FIP1L1: variants seen among roughly 807,000 people sequenced by gnomAD.
FIP1L1 encodes factor interacting with PAPOLA and CPSF1.
A neutral mutation model predicts 84.6 loss-of-function variants in FIP1L1; 21 were observed. That is an observed-to-expected ratio of 0.25 (90% CI 0.18 to 0.36). The LOEUF is 0.36. Ranked by LOEUF, FIP1L1 falls within the 10% of genes least tolerant of loss-of-function variation. The probability of loss-of-function intolerance (pLI) is 1.00; values close to 1 mark genes in which losing one functional copy is unlikely to be tolerated. For synonymous variants in FIP1L1, 263 were observed against 242.3 expected, an observed-to-expected ratio of 1.09 and a Z score of -0.80; for missense variants, 526 against 751.1, an observed-to-expected ratio of 0.70 and a Z score of 3.50.
chr4:53,432,114 G>C (rs998335214), intron 13 of FIP1L1, among the ~76,000 whole-genome samples: 12 of 151,994 alleles, frequency 7.9e-5, no homozygotes, highest in Non-Finnish European at 1.3e-4. Context: ...ACAAATACTG[G>C]GCCAGGCATG....
chr4:53,450,883 C>G (rs192016857), intron 15 of FIP1L1, among the ~76,000 whole-genome samples: 1 of 151,886 alleles, frequency 6.6e-6, no homozygotes, highest in Non-Finnish European at 1.5e-5. Flanking sequence ...TAAATTACAT[C>G]ATCCATCTTC....
intron 5 of FIP1L1, 63 bp downstream of exon 5, chr4:53,383,939 T>C: frequency 7.0e-7 from 1 of 1,424,164 alleles, no homozygotes; most frequent in Non-Finnish European, 9.5e-7. Flanking sequence ...AGTGTGCCTA[T>C]ATCAAACTCT....
intron 16 of FIP1L1, among the ~76,000 whole-genome samples, chr4:53,454,203 CTT>C (rs1313685354): frequency 1.3e-5 from 2 of 152,142 alleles, no homozygotes; most frequent in Non-Finnish European, 2.9e-5. Context: ...TTTACTGTAT[CTT>C]TTGTTTAGAT....
chr4:53,386,601 T>G (rs890511658), intron 5 of FIP1L1, among the ~76,000 whole-genome samples: 3 of 152,180 alleles, frequency 2.0e-5, no homozygotes, highest in Admixed American at 1.3e-4. Flanking sequence ...TTTGAACTTG[T>G]TTGAATAATT....
chr4:53,450,088 A>G (rs1360307517), intron 15 of FIP1L1, among the ~76,000 whole-genome samples: 2 of 151,730 alleles, frequency 1.3e-5, no homozygotes, highest in African/African-American at 4.8e-5. Flanking sequence ...ATTCTTTGTT[A>G]TCCCTTTTTT....
intron 10 of FIP1L1, among the ~76,000 whole-genome samples, chr4:53,400,319 C>T (rs1395186798): frequency 6.6e-6 from 1 of 152,150 alleles, no homozygotes; most frequent in Non-Finnish European, 1.5e-5. Flanking sequence ...TATGATAATA[C>T]CTCATATGTT....
chr4:53,420,589 G>A (rs1418371369), intron 11 of FIP1L1, among the ~76,000 whole-genome samples: 2 of 152,164 alleles, frequency 1.3e-5, no homozygotes, highest in South Asian at 2.1e-4. Flanking sequence ...TTTAGACTAG[G>A]TTCTTTTTCT....
At chr4:53,383,424 G>A (rs533203943) in intron 4 of FIP1L1, among the ~76,000 whole-genome samples, 17 of 152,338 alleles carry the variant, frequency 1.1e-4, no homozygotes, top group African/African-American at 4.1e-4. Flanking sequence ...CACTTTGGGA[G>A]GCCAAGGTGG....
chr4:53,448,701 C>A (rs1775192162), intron 15 of FIP1L1, among the ~76,000 whole-genome samples: 1 of 152,202 alleles, frequency 6.6e-6, no homozygotes, highest in African/African-American at 2.4e-5. Flanking sequence ...ATTTACTATA[C>A]CATATTGCAA....
At chr4:53,407,644 A>G (rs1416780976) in intron 10 of FIP1L1, among the ~76,000 whole-genome samples, 4 of 152,108 alleles carry the variant, frequency 2.6e-5, no homozygotes, top group Non-Finnish European at 4.4e-5. Flanking sequence ...ATGGGAGTCT[A>G]AGTCTCTTTG....
At chr4:53,426,007 T>C (rs1764180989) in intron 12 of FIP1L1, 42 bp downstream of exon 12, 2 of 1,324,154 alleles carry the variant, frequency 1.5e-6, no homozygotes, top group Admixed American at 3.5e-5. Context: ...AACTGAAGGA[T>C]GATATCAACA....
chr4:53,435,747 A>T (rs181489210), intron 13 of FIP1L1, among the ~76,000 whole-genome samples: 86 of 152,242 alleles, frequency 5.6e-4, no homozygotes, highest in African/African-American at 1.7e-3. Context: ...AATTGTTTTA[A>T]TTATGAAATA....
chr4:53,379,345 A>G, intron 3 of FIP1L1, 81 bp downstream of exon 3: 1 of 1,216,070 alleles, frequency 8.2e-7, no homozygotes, highest in Admixed American at 2.4e-5. Flanking sequence ...TTATTTTCTT[A>G]CAATCATTGG....
intron 10 of FIP1L1, among the ~76,000 whole-genome samples, chr4:53,408,815 G>A (rs1266222466): frequency 2.0e-5 from 3 of 152,006 alleles, no homozygotes; most frequent in Non-Finnish European, 2.9e-5. Context: ...CATTCTTCAC[G>A]TAGTTCTCAA....
At chr4:53,393,462 G>C (rs191165277) in intron 9 of FIP1L1, among the ~76,000 whole-genome samples, 15 of 152,232 alleles carry the variant, frequency 9.9e-5, no homozygotes, top group Admixed American at 7.8e-4. Flanking sequence ...ACCCTTAGGT[G>C]CTTATCATAC....
chr4:53,421,916 C>T (rs1393002676), intron 11 of FIP1L1, among the ~76,000 whole-genome samples: 1 of 152,150 alleles, frequency 6.6e-6, no homozygotes, highest in Non-Finnish European at 1.5e-5. Context: ...AGTTAAGAAC[C>T]TGAACTGTTC....
intron 11 of FIP1L1, among the ~76,000 whole-genome samples, chr4:53,422,292 TTTTTAAGTATTG>T (rs1762695331): frequency 6.6e-6 from 1 of 152,150 alleles, no homozygotes; most frequent in Non-Finnish European, 1.5e-5. Flanking sequence ...CATTTTTCCT[TTTTTAAGTATTG>T]TTTCATGAAT....
At chr4:53,429,220 A>G (rs1358929258) in intron 13 of FIP1L1, among the ~76,000 whole-genome samples, 2 of 152,344 alleles carry the variant, frequency 1.3e-5, no homozygotes, top group East Asian at 3.9e-4. Flanking sequence ...AAAAATATGA[A>G]AAAATGACTT....
At chr4:53,378,907 C>T (rs899378188) in intron 1 of FIP1L1, 166 bp from the exon 2 acceptor site, 1 of 705,772 alleles carries the variant, frequency 1.4e-6, no homozygotes, top group Non-Finnish European at 2.3e-6. Flanking sequence ...AGTTACTACT[C>T]TTTGAAATGT....
Sources: gnomAD v4.1 joint callset for allele counts (sites outside exome capture counted in the v4.1 genomes callset) on GRCh38, gnomAD v4.1.1 for gene constraint, MANE v1.5 for transcripts, NCBI Gene and HGNC (gene_info 2026-07-23, HGNC 2026-07-21) for gene names.